The following CHN1 variants were observed in gnomAD, a reference collection of about 807,000 sequenced individuals.
The protein encoded by CHN1 is N-chimaerin.
A neutral mutation model predicts 59.5 loss-of-function variants in CHN1; 37 were observed. The ratio of observed to expected loss-of-function variants is 0.62; its 90% CI spans 0.48 to 0.82. The LOEUF is 0.82. CHN1 is among the 40% of genes least tolerant of loss of function. The probability of loss-of-function intolerance (pLI) is 0.00; values close to 1 mark genes in which losing one functional copy is unlikely to be tolerated. For synonymous variants in CHN1, 206 were observed against 200.4 expected, an observed-to-expected ratio of 1.03 and a Z score of -0.24; for missense variants, 469 against 571.0, an observed-to-expected ratio of 0.82 and a Z score of 1.82.
At chr2:174,959,466 C>T (rs1230362752) in intron 1 of CHN1, among the ~76,000 whole-genome samples, 2 of 152,126 alleles carry the variant, frequency 1.3e-5, no homozygotes, top group African/African-American at 4.8e-5. Context: ...GGAAAAAGTG[C>T]CTCAATCTCT....
At chr2:174,814,749 G>A (rs1274010937) in intron 8 of CHN1, among the ~76,000 whole-genome samples, 1 of 152,156 alleles carries the variant, frequency 6.6e-6, no homozygotes, top group Non-Finnish European at 1.5e-5. Context: ...ATCAGCTTAA[G>A]GTCAGAAGCT....
At chr2:174,852,469 T>C (rs1686766166) in intron 6 of CHN1, among the ~76,000 whole-genome samples, 1 of 152,130 alleles carries the variant, frequency 6.6e-6, no homozygotes. Context: ...TGCTCATAGA[T>C]TGGAAGAATC....
intron 5 of CHN1, among the ~76,000 whole-genome samples, chr2:174,884,000 C>T (rs1687819450): frequency 2.1e-5 from 3 of 143,504 alleles, no homozygotes; most frequent in Admixed American, 1.4e-4. Flanking sequence ...CGTAGTCTCG[C>T]TCTGTCGCCC....
intron 5 of CHN1, among the ~76,000 whole-genome samples, chr2:174,912,792 C>T (rs1688739518): frequency 1.3e-5 from 2 of 152,170 alleles, no homozygotes; most frequent in Admixed American, 1.3e-4. Context: ...ACATAAATTA[C>T]TCAATGTATA....
At chr2:174,987,644 C>G (rs1691393522) in intron 1 of CHN1, among the ~76,000 whole-genome samples, 1 of 152,056 alleles carries the variant, frequency 6.6e-6, no homozygotes, top group Non-Finnish European at 1.5e-5. Flanking sequence ...CTGTATTGGC[C>G]AGGATGATCT....
At chr2:174,947,474 CTTTTT>C (rs1025986409) in intron 2 of CHN1, among the ~76,000 whole-genome samples, 1 of 143,784 alleles carries the variant, frequency 7.0e-6, no homozygotes, top group Admixed American at 7.0e-5. Flanking sequence ...CTTTAAGACT[CTTTTT>C]TTTTTTAATT....
chr2:174,827,885 G>A (rs1271500953), intron 7 of CHN1, among the ~76,000 whole-genome samples: 1 of 152,164 alleles, frequency 6.6e-6, no homozygotes, highest in Non-Finnish European at 1.5e-5. Context: ...AGAGAAACTG[G>A]TTTAGAAGTG....
chr2:174,903,081 T>G (rs752654043), intron 5 of CHN1, among the ~76,000 whole-genome samples: 1 of 152,232 alleles, frequency 6.6e-6, no homozygotes, highest in African/African-American at 2.4e-5. Context: ...CTTAATAGAA[T>G]TTTATCAGTA....
intron 1 of CHN1, among the ~76,000 whole-genome samples, chr2:174,991,633 T>C (rs1232110871): frequency 6.6e-6 from 1 of 152,224 alleles, no homozygotes; most frequent in Non-Finnish European, 1.5e-5. Context: ...CAGGAATACA[T>C]GTATTTTTTC....
chr2:174,820,553 G>C (rs879853345), intron 8 of CHN1, among the ~76,000 whole-genome samples: 8 of 152,338 alleles, frequency 5.3e-5, no homozygotes, highest in Non-Finnish European at 7.3e-5. Flanking sequence ...CTTCAAAGGA[G>C]GCTAGAGGAA....
chr2:174,934,490 C>T (rs985433439), intron 3 of CHN1, among the ~76,000 whole-genome samples: 3 of 152,126 alleles, frequency 2.0e-5, no homozygotes, highest in East Asian at 1.9e-4. Flanking sequence ...TCCTGCTGTG[C>T]GGCCCAGTTC....
rs971568653 is a variant in CHN1, at chr2:175,005,348, C to T, written c.-436G>A. ...GCGCGCTCACTCCGCATCCCGCGGC[C>T]TCGCAGACGCCATCTTGCGATAGCG... On this transcript the variant is annotated 5_prime_UTR_variant, in exon 1 of 13. Transcript: ENST00000409900. 3.5e-6 allele frequency: 4 copies of T among 1,147,606 alleles called. No homozygotes were observed. The highest frequency in any genetic ancestry group is 7.7e-4 in the Middle Eastern group (2 of 2,606). The allele number at this position is 1,147,606 out of a possible 1,614,324, so 71.1% of individuals were successfully genotyped here. A position where few individuals can be genotyped will look rare whatever the true frequency, so the allele number is the denominator to read the frequency against.
chr2:175,003,782 C>T (rs1445349842), intron 1 of CHN1, among the ~76,000 whole-genome samples: 1 of 152,172 alleles, frequency 6.6e-6, no homozygotes, highest in Non-Finnish European at 1.5e-5. Flanking sequence ...GAATTCTAGG[C>T]TCAGTTTTGC....
At chr2:174,822,638 A>G (rs957947181) in intron 8 of CHN1, among the ~76,000 whole-genome samples, 5 of 152,222 alleles carry the variant, frequency 3.3e-5, no homozygotes, top group Admixed American at 6.5e-5. Context: ...CATTGAGACC[A>G]TTGTTCTCGA....
chr2:174,887,254 T>C (rs1396965572), intron 5 of CHN1, among the ~76,000 whole-genome samples: 2 of 152,186 alleles, frequency 1.3e-5, no homozygotes, highest in African/African-American at 4.8e-5. Context: ...TTTTTCTCTC[T>C]AATGAAGATA....
chr2:174,804,757 G>A (rs1310901075), intron 11 of CHN1, among the ~76,000 whole-genome samples: 2 of 152,214 alleles, frequency 1.3e-5, no homozygotes, highest in Admixed American at 1.3e-4. Context: ...TGGAAAGACT[G>A]TGGGTGGAGG....
At chr2:174,916,115 A>AT in intron 4 of CHN1, among the ~76,000 whole-genome samples, 1 of 152,192 alleles carries the variant, frequency 6.6e-6, no homozygotes, top group East Asian at 1.9e-4. Flanking sequence ...ATGTCCTCCC[A>AT]TGAGTTTCAG....
chr2:174,829,324 T>C (rs1000451646), intron 7 of CHN1, among the ~76,000 whole-genome samples: 2 of 152,170 alleles, frequency 1.3e-5, no homozygotes, highest in South Asian at 2.1e-4. Flanking sequence ...GGTGGGCTAT[T>C]GAGGGGCCCA....
chr2:174,899,121 T>C (rs1688308436), intron 5 of CHN1, among the ~76,000 whole-genome samples: 2 of 152,190 alleles, frequency 1.3e-5, no homozygotes, highest in African/African-American at 2.4e-5. Flanking sequence ...CTTTTTTATA[T>C]ACATTTATAC....
Sources: allele counts gnomAD v4.1 joint callset (sites outside exome capture counted in the v4.1 genomes callset), GRCh38; gene constraint gnomAD v4.1.1; transcripts MANE v1.5; gene names NCBI Gene and HGNC (gene_info 2026-07-23, HGNC 2026-07-21).